SCN3A: variants seen among roughly 807,000 people sequenced by gnomAD.
SCN3A encodes sodium voltage-gated channel alpha subunit 3, also known as sodium channel protein type 3 subunit alpha.
In SCN3A, 60 loss-of-function variants were observed where a neutral mutation model predicts 187.6. The observed-to-expected ratio is 0.32, with a 90% CI of 0.26 to 0.40. The LOEUF (loss-of-function observed/expected upper bound fraction) is 0.40. SCN3A is among the 10% of genes least tolerant of loss of function. The pLI, the probability that SCN3A is intolerant of heterozygous loss-of-function variation, is 1.00. For missense variants in SCN3A, 1,601 were observed against 2,428.2 expected, an observed-to-expected ratio of 0.66 and a Z score of 7.16; for synonymous variants, 788 against 829.2, an observed-to-expected ratio of 0.95 and a Z score of 0.85.
intron 11 of SCN3A, among the ~76,000 whole-genome samples, 165 bp from the exon 12 acceptor site, chr2:165,147,194 A>G (rs933968567): frequency 6.6e-6 from 1 of 151,114 alleles, no homozygotes; most frequent in African/African-American, 2.4e-5. Context: ...AATGACCCTT[A>G]TGTTTTAAAT....
At chr2:165,100,128 C>T (rs891851368) in intron 22 of SCN3A, among the ~76,000 whole-genome samples, 174 bp downstream of exon 22, 1 of 152,140 alleles carries the variant, frequency 6.6e-6, no homozygotes, top group Non-Finnish European at 1.5e-5. Context: ...ATTCTGAGAG[C>T]CTGTTTAAAT....
In SCN3A at chr2:165,165,903, C is replaced by G. The variant is rs142025362; in HGVS notation, c.474-1383G>C. On this transcript the variant is annotated intron_variant, in intron 5 of 27. Transcript: ENST00000283254. Reference sequence around the variant, plus strand: ...CAATTGATCTCATAAGCAATAATTCCTATCTTTACTTATATGAAGTAGCTG... The same window carrying G: ...CAATTGATCTCATAAGCAATAATTCGTATCTTTACTTATATGAAGTAGCTG... Among the ~76,000 whole-genome samples the G allele has an allele frequency of 1.0e-3, 155 of 152,244 alleles. 1 individual carries two copies. Among genetic ancestry groups the G allele is most frequent in the African/African-American group, 3.6e-3 (151 of 41,546 alleles).
chr2:165,197,134 G>A (rs1692015222), intron 1 of SCN3A, among the ~76,000 whole-genome samples: 4 of 152,244 alleles, frequency 2.6e-5, no homozygotes, highest in African/African-American at 7.2e-5. Flanking sequence ...ATAAATGCCA[G>A]TGTGTTCAAC....
Position 165,091,360 on chromosome 2 carries a change from G to A in SCN3A, c.4808-15C>T, listed in dbSNP as rs768092343. On this transcript the variant is annotated splice_polypyrimidine_tract_variant and intron_variant, in intron 27 of 27. Transcript: ENST00000283254. ...CAGAAACATACCTATGGAAAACATAGAACACAGCTAAACAGATAATATCTT... is the reference window on the plus strand; with the variant it reads ...CAGAAACATACCTATGGAAAACATAAAACACAGCTAAACAGATAATATCTT... 5 of 1,613,542 alleles carry A rather than the reference G, an allele frequency of 3.1e-6. No homozygotes were observed. The Admixed American group carries it at 8.3e-5, about 27-fold the overall frequency.
At chr2:165,111,743 G>C (rs1034308688) in intron 21 of SCN3A, among the ~76,000 whole-genome samples, 1 of 152,106 alleles carries the variant, frequency 6.6e-6, no homozygotes, top group Non-Finnish European at 1.5e-5. Context: ...CACTCTAGCT[G>C]CGGAATGTGA....
chr2:165,125,335 G>A (rs1192561781), intron 18 of SCN3A, among the ~76,000 whole-genome samples: 2 of 149,676 alleles, frequency 1.3e-5, no homozygotes, highest in Admixed American at 1.3e-4. Flanking sequence ...ATGGAGTCTT[G>A]CTCTGTTGCT....
chr2:165,164,329 A>G, intron 6 of SCN3A, 63 bp downstream of exon 6: 1 of 1,604,042 alleles, frequency 6.2e-7, no homozygotes, highest in Non-Finnish European at 8.5e-7. Context: ...TGACACAAAG[A>G]CCTTGTTTGT....
Position 165,127,850 on chromosome 2 carries a change from G to T in SCN3A, c.3174C>A (p.Ser1058Arg). 6.2e-7 allele frequency: 1 copy of T among 1,614,050 alleles called. No homozygotes were observed. Among genetic ancestry groups the T allele is most frequent in the Non-Finnish European group, 8.5e-7 (1 of 1,180,002 alleles). ...CATCTCTAAGATAATTAAGCTCTTT[G>T]CTTATTTCAATTCCAGTATTATTGG... is the stretch of plus-strand genomic sequence containing the variant. ...CMSNNTGIEI[S>R]KELNYLRDGN... The change falls in exon 18 of 28, where the codon AGC becomes AGA. Residue 1058 changes from serine to arginine, a missense_variant. Ser to Arg is a moderately radical substitution (Grantham distance 110). Around this residue, in one of 11 missense-constraint regions of SCN3A, gnomAD observed 267 missense variants for 313.2 expected, o/e 0.85. Coordinates refer to ENST00000283254, the MANE Select transcript of SCN3A (RefSeq NM_006922.4).
intron 2 of SCN3A, among the ~76,000 whole-genome samples, chr2:165,178,150 G>T (rs1690587893): frequency 6.6e-6 from 1 of 151,838 alleles, no homozygotes; most frequent in African/African-American, 2.4e-5. Context: ...GGGTTTTTTT[G>T]CTTATATCTT....
At chr2:165,174,914 G>T (rs1182824999) in intron 3 of SCN3A, among the ~76,000 whole-genome samples, 1 of 152,170 alleles carries the variant, frequency 6.6e-6, no homozygotes, top group Non-Finnish European at 1.5e-5. Flanking sequence ...AAACATTAAA[G>T]CTTGCTATTC....
rs959729957 is a variant in SCN3A at position 165,113,111 on chromosome 2, T to G, written c.3670-53A>C. The G allele has an allele frequency of 2.2e-6, 3 of 1,390,234 alleles. No homozygotes were observed. In the South Asian group the frequency reaches 3.5e-5, roughly 16 times the overall value. 86.1% of individuals were successfully genotyped at this position (1,390,234 alleles called of 1,614,324 possible). A position where few individuals can be genotyped will look rare whatever the true frequency, so the allele number is the denominator to read the frequency against. On this transcript the variant is annotated intron_variant, in intron 20 of 27. Transcript: ENST00000283254. ...TTAAATGGCTTGCTTCTTCTAAATA[T>G]TTGAAAAAATTGCTTAGTATAATAG... is the stretch of plus-strand genomic sequence containing the variant.
At position 165,115,562 on chromosome 2, in the gene SCN3A, G is replaced by A; in HGVS notation, c.3407C>T (p.Thr1136Ile). The A allele has an allele frequency of 6.2e-7, 1 of 1,613,280 alleles. No homozygotes were observed. Among genetic ancestry groups the A allele is most frequent in the Middle Eastern group, 1.7e-4 (1 of 6,058 alleles). The part of the protein sequence containing the change: ...LEESKEKLNA[T>I]SSSEGSTVDV... Reference sequence around the variant, plus strand: ...AACTGTGCTTCCTTCAGATGAGCTGGTTGCATTTAATTTCTGGAAACAAAA... The same window carrying A: ...AACTGTGCTTCCTTCAGATGAGCTGATTGCATTTAATTTCTGGAAACAAAA... The change falls in exon 19 of 28, where the codon ACC (threonine) becomes ATC (isoleucine). Residue 1136 changes from threonine to isoleucine, a missense_variant. By Grantham distance (89) the Thr-to-Ile change is moderately conservative. Around this residue, in one of 11 missense-constraint regions of SCN3A, gnomAD observed 267 missense variants for 313.2 expected, o/e 0.85. Transcript: ENST00000283254.
Position 165,115,438 on chromosome 2 carries a change from C to T in SCN3A, c.3514+17G>A. On this transcript the variant is annotated intron_variant, in intron 19 of 27. Transcript: ENST00000283254. ...AACAAGGGGAGATTGTATTTAATCACATCAGAGCTTGTTTACCTTCAGTAA... is the reference window on the plus strand; with the variant it reads ...AACAAGGGGAGATTGTATTTAATCATATCAGAGCTTGTTTACCTTCAGTAA... 6.2e-7 allele frequency: 1 copy of T among 1,613,452 alleles called. No individual in the cohort carries two copies. Among genetic ancestry groups the T allele is most frequent in the East Asian group, 2.2e-5 (1 of 44,834 alleles).
At chr2:165,173,713 A>G (rs562847754) in intron 3 of SCN3A, among the ~76,000 whole-genome samples, 32 of 152,296 alleles carry the variant, frequency 2.1e-4, no homozygotes, top group Admixed American at 1.9e-3. Flanking sequence ...ACAGCTTCAT[A>G]ACATATTTTT....
At chr2:165,143,484 A>C (rs1472741648) in intron 12 of SCN3A, among the ~76,000 whole-genome samples, 2 of 152,140 alleles carry the variant, frequency 1.3e-5, no homozygotes, top group African/African-American at 4.8e-5. Flanking sequence ...CACTCTTTGG[A>C]ATGTATAATA....
At chr2:165,103,915 T>C (rs1194741277) in intron 21 of SCN3A, among the ~76,000 whole-genome samples, 12 of 152,006 alleles carry the variant, frequency 7.9e-5, no homozygotes, top group Admixed American at 7.9e-4. Flanking sequence ...AATAAAAGAG[T>C]ATGCCCATCA....
chr2:165,154,365 T>A, intron 11 of SCN3A, 87 bp downstream of exon 11: 1 of 1,398,484 alleles, frequency 7.2e-7, no homozygotes, highest in Non-Finnish European at 9.9e-7. Flanking sequence ...GAAAAAGCAG[T>A]TCCAATCTAC....
At chr2:165,195,429 C>G (rs1345745591) in intron 1 of SCN3A, 3 of 152,084 alleles carry the variant, frequency 2.0e-5, no homozygotes, top group African/African-American at 4.8e-5. Flanking sequence ...AATTAACAGA[C>G]TTTTTTTAGA....
intron 16 of SCN3A, 81 bp from the exon 17 acceptor site, chr2:165,130,377 G>GAACC: frequency 7.0e-7 from 1 of 1,425,122 alleles, no homozygotes. Flanking sequence ...TGGTATCATA[G>GAACC]AACCACACGT....
Sources: gnomAD v4.1 joint callset for allele counts (sites outside exome capture counted in the v4.1 genomes callset) on GRCh38, gnomAD v4.1.1 for gene constraint, gnomAD v4.1.1 regional missense constraint, MANE v1.5 for transcripts, NCBI Gene and HGNC (gene_info 2026-07-23, HGNC 2026-07-21) for gene names.